The following NFKBID variants were observed in gnomAD, a reference collection of about 807,000 sequenced individuals.
NFKBID encodes NF-kappa-B inhibitor delta.
A neutral mutation model predicts 53.4 loss-of-function variants in NFKBID; 26 were observed. The ratio of observed to expected loss-of-function variants is 0.49; its 90% CI spans 0.36 to 0.68. The LOEUF (loss-of-function observed/expected upper bound fraction) is 0.68, where lower values mean the gene tolerates loss of function less well. Among genes scored for constraint, NFKBID ranks in the 30% least tolerant of loss-of-function variants. The pLI, the probability that NFKBID is intolerant of heterozygous loss-of-function variation, is 0.00. For missense variants in NFKBID, 493 were observed against 614.1 expected, an observed-to-expected ratio of 0.80 and a Z score of 2.08; for synonymous variants, 262 against 259.8, an observed-to-expected ratio of 1.01 and a Z score of -0.08.
chr19:35,897,117 G>A, intron 4 of NFKBID, 59 bp from the exon 5 acceptor site: 1 of 1,550,718 alleles, frequency 6.4e-7, no homozygotes, highest in Non-Finnish European at 8.7e-7. Flanking sequence ...GAGGGTGCAG[G>A]TGGTGGGGAG....
Position 35,896,692 on chromosome 19 carries a change from C to G in NFKBID, c.684+34G>C. 6.2e-7 allele frequency: 1 copy of G among 1,603,450 alleles called. No homozygotes were observed. The highest frequency in any genetic ancestry group is 8.5e-7 in the Non-Finnish European group (1 of 1,171,780). ...TCCAGGCCCCAGGCTCCTTCCTCCC[C>G]TGAACCCAGGAGAGTTCAGGCCCCA... is the stretch of plus-strand genomic sequence containing the variant. On this transcript the variant is annotated intron_variant, in intron 6 of 11. Coordinates refer to ENST00000641389, the Ensembl canonical transcript of NFKBID. The surrounding 1 kb of genome is among the most constrained non-coding windows in gnomAD (Gnocchi z 5.7).
chr19:35,889,782 C>G (rs895491398), intron 11 of NFKBID, 108 bp downstream of exon 11: 2 of 1,202,238 alleles, frequency 1.7e-6, no homozygotes, highest in African/African-American at 3.0e-5. Flanking sequence ...AGTCACCTTC[C>G]GAGATTAGAA....
Position 35,898,644 on chromosome 19 carries a change from C to CGAGGGCCCGGCTT in NFKBID, c.165+74_165+75insAAGCCGGGCCCTC, listed in dbSNP as rs200558430. The CGAGGGCCCGGCTT allele has an allele frequency of 3.9e-3, 5,704 of 1,444,446 alleles. 185 individuals carry two copies. In the African/African-American group the frequency reaches 0.07, roughly 18 times the overall value. 89.5% of individuals were successfully genotyped at this position (1,444,446 alleles called of 1,614,324 possible). A position where few individuals can be genotyped will look rare whatever the true frequency, so the allele number is the denominator to read the frequency against. On this transcript the variant is annotated intron_variant, in intron 2 of 11. Transcript: ENST00000641389. Reference sequence around the variant, plus strand: ...TCAGGACCACCCCTCTCATCAGCCCCGAGGGCCCGGCAAGCCGCTGAGTCC... The same window carrying CGAGGGCCCGGCTT: ...TCAGGACCACCCCTCTCATCAGCCCCGAGGGCCCGGCTTGAGGGCCCGGCAAGCCGCTGAGTCC...
At position 35,894,524 on chromosome 19, in the gene NFKBID, T is replaced by C. The variant is rs112009999; in HGVS notation, c.1032+1456A>G. 5.1e-3 allele frequency among the ~76,000 whole-genome samples: 768 copies of C among 151,746 alleles called. 7 individuals are homozygous for C. The highest frequency in any genetic ancestry group is 0.018 in the African/African-American group (734 of 41,350). On this transcript the variant is annotated intron_variant, in intron 9 of 11. Coordinates refer to ENST00000641389, the Ensembl canonical transcript of NFKBID. ...GAGTTTGAGACCAACCTGGCCAACA[T>C]AGTTAGACCCCACCTTACAAAAAAG...
intron 4 of NFKBID, 149 bp from the exon 5 acceptor site, chr19:35,897,207 G>A (rs1211666697): frequency 8.7e-6 from 7 of 801,890 alleles, no homozygotes; most frequent in East Asian, 2.7e-5. Context: ...TCCCATCTAT[G>A]CCAAGTGACC....
At chr19:35,898,279 T>A (rs1975320902) in intron 3 of NFKBID, among the ~76,000 whole-genome samples, 193 bp downstream of exon 3, 1 of 151,528 alleles carries the variant, frequency 6.6e-6, no homozygotes, top group Non-Finnish European at 1.5e-5. Context: ...GCCCAGAAGG[T>A]TGAGGCTGCA....
intron 9 of NFKBID, among the ~76,000 whole-genome samples, chr19:35,891,424 A>G (rs1227121649): frequency 6.6e-6 from 1 of 152,202 alleles, no homozygotes; most frequent in African/African-American, 2.4e-5. Context: ...TAACATCATA[A>G]TATGTGTGCT....
chr19:35,897,665 GA>G lies in NFKBID; in HGVS notation c.417del (p.Gln141ArgfsTer101). On this transcript the variant is annotated frameshift_variant, in exon 4 of 12. Transcript: ENST00000641389. LOFTEE classifies it high-confidence loss of function. Reference sequence around the variant, plus strand: ...CTGTATCTCACCTCCATGCCCTGGGGAAATGGGCACGGCTGCCCTGGGTCCG... The same window carrying G: ...CTGTATCTCACCTCCATGCCCTGGGGAATGGGCACGGCTGCCCTGGGTCCG... 1 of 1,585,300 alleles carries G rather than the reference GA, an allele frequency of 6.3e-7. No homozygotes were observed. The highest frequency in any genetic ancestry group is 8.7e-7 in the Non-Finnish European group (1 of 1,153,766).
At chr19:35,898,488 C>T in exon 3 of NFKBID, 1 of 1,535,178 alleles carries the variant, frequency 6.5e-7, no homozygotes, top group Non-Finnish European at 8.7e-7. Flanking sequence ...CAGCCTCATT[C>T]ACAGATGGGG....
In NFKBID at chr19:35,896,421, C is replaced by A; in HGVS notation, c.802G>T (p.Ala268Ser). The A allele has an allele frequency of 6.2e-7, 1 of 1,614,186 alleles. No homozygotes were observed. The highest frequency in any genetic ancestry group is 1.1e-5 in the South Asian group (1 of 91,080). The change falls in exon 7 of 12, where the codon GCT becomes TCT. Residue 268 changes from alanine to serine, a missense_variant. Ala to Ser is a moderately conservative substitution (Grantham distance 99, BLOSUM62 1). Coordinates refer to ENST00000641389, the Ensembl canonical transcript of NFKBID. This position sits in a 1 kb window ranked among gnomAD's most constrained non-coding sequence, Gnocchi z 5.7. Reference sequence around the variant, plus strand: ...AGAACTCCTGGGAGCCCGTAGGTAGCGGCCACGTGCAAGACCGAACGTCCC... The same window carrying A: ...AGAACTCCTGGGAGCCCGTAGGTAGAGGCCACGTGCAAGACCGAACGTCCC...
chr19:35,892,279 T>G (rs1256032619), intron 9 of NFKBID, among the ~76,000 whole-genome samples: 1 of 152,146 alleles, frequency 6.6e-6, no homozygotes, highest in African/African-American at 2.4e-5. Flanking sequence ...CTCGAATTCC[T>G]GAGCTCGAGC....
At chr19:35,895,320 C>CAAAAAAAA (rs74172772) in intron 9 of NFKBID, among the ~76,000 whole-genome samples, 4 of 72,114 alleles carry the variant, frequency 5.5e-5, no homozygotes, top group Admixed American at 1.7e-4. Flanking sequence ...TACTAAAATA[C>CAAAAAAAA]AAAAAAAAAA....
chr19:35,897,277 C>T (rs563597519), intron 4 of NFKBID, among the ~76,000 whole-genome samples: 155 of 151,256 alleles, frequency 1.0e-3, no homozygotes, highest in Non-Finnish European at 1.9e-3. Flanking sequence ...TTTTCGGTGA[C>T]AGAGTCTTGC....
In NFKBID at chr19:35,896,666, GT is replaced by G; in HGVS notation, c.684+59del. The G allele has an allele frequency of 1.9e-6, 3 of 1,560,134 alleles. No individual in the cohort carries two copies. Among genetic ancestry groups the G allele is most frequent in the Non-Finnish European group, 2.6e-6 (3 of 1,136,826 alleles). On this transcript the variant is annotated intron_variant, in intron 6 of 11. Transcript: ENST00000641389. The surrounding 1 kb of genome is among the most constrained non-coding windows in gnomAD (Gnocchi z 5.7). Reference sequence around the variant, plus strand: ...TTCCCCTCTTCTCTAGGATCCAGGGGTCCAGGCCCCAGGCTCCTTCCTCCCC... The same window carrying G: ...TTCCCCTCTTCTCTAGGATCCAGGGGCCAGGCCCCAGGCTCCTTCCTCCCC...
chr19:35,900,755 A>C, upstream of NFKBID: 3 of 642,742 alleles, frequency 4.7e-6, no homozygotes, highest in Non-Finnish European at 6.6e-6. Context: ...AGCCTAGGGC[A>C]CCGGGCTCCA....
chr19:35,897,987 C>T, intron 3 of NFKBID, 131 bp from the exon 4 acceptor site: 1 of 638,630 alleles, frequency 1.6e-6, no homozygotes, highest in Non-Finnish European at 2.7e-6. Context: ...CTCCCGGGAC[C>T]TGGATTCCTG....
chr19:35,895,969 T>G lies in NFKBID; in HGVS notation c.1032+11A>C, dbSNP rs754238443. On this transcript the variant is annotated intron_variant, in intron 9 of 11. Transcript: ENST00000641389. ...ATCTCCCAGGGTCTGACCGCCCACA[T>G]CCCCGCTCACCTGGCTGGTGTGATT... The G allele has an allele frequency of 6.2e-7, 1 of 1,610,298 alleles. No homozygotes were observed. The highest frequency in any genetic ancestry group is 1.1e-5 in the South Asian group (1 of 90,808).
chr19:35,898,519 G>C (rs760955047), exon 3 of NFKBID: 1 of 1,532,706 alleles, frequency 6.5e-7, no homozygotes, highest in South Asian at 1.2e-5. Flanking sequence ...CTCTGGGGGA[G>C]GGAGAAATTG....
At chr19:35,888,882 C>T (rs79635258) in intron 11 of NFKBID, among the ~76,000 whole-genome samples, 2,797 of 152,140 alleles carry the variant, frequency 0.018, 79 homozygotes, top group African/African-American at 0.064. Context: ...CCCGCCTCTA[C>T]CAGAGATACA....
Sources: allele counts gnomAD v4.1 joint callset (sites outside exome capture counted in the v4.1 genomes callset), GRCh38; gene constraint gnomAD v4.1.1; non-coding constraint Gnocchi (gnomAD v3.1); transcripts MANE v1.5; gene names NCBI Gene and HGNC (gene_info 2026-07-23, HGNC 2026-07-21).